The following CPLX1 variants were observed in gnomAD, a reference collection of about 807,000 sequenced individuals.
CPLX1 encodes the protein complexin 1, also known as complexin-1.
In CPLX1, 6 loss-of-function variants were observed where a neutral mutation model predicts 15.6. The ratio of observed to expected loss-of-function variants is 0.39; its 90% CI spans 0.21 to 0.76. CPLX1 has a LOEUF of 0.76. Ranked by LOEUF, CPLX1 falls within the 30% of genes least tolerant of loss-of-function variation. CPLX1 has a pLI of 0.43. For synonymous variants in CPLX1, 91 were observed against 75.2 expected (o/e 1.21, Z -1.08); for missense variants, 242 against 188.6 (o/e 1.28, Z -1.66).
At chr4:823,358 G>A (rs1419266838) in intron 2 of CPLX1, among the ~76,000 whole-genome samples, 1 of 152,168 alleles carries the variant, frequency 6.6e-6, no homozygotes, top group Non-Finnish European at 1.5e-5. Flanking sequence ...CCACCCTCCG[G>A]GAGACAGCCA....
intron 3 of CPLX1, chr4:788,525 A>G: frequency 2.0e-6 from 2 of 985,474 alleles, no homozygotes; most frequent in Non-Finnish European, 2.4e-6. Context: ...AACGAAGAGC[A>G]CAGGGTAGGA....
At chr4:795,309 G>C (rs533781730) in intron 2 of CPLX1, among the ~76,000 whole-genome samples, 90 of 152,366 alleles carry the variant, frequency 5.9e-4, no homozygotes, top group Admixed American at 2.6e-3. Flanking sequence ...GGCGCAGAAC[G>C]GGCGGCCCCG....
At chr4:800,522 A>G (rs1746429593) in intron 2 of CPLX1, among the ~76,000 whole-genome samples, 1 of 142,760 alleles carries the variant, frequency 7.0e-6, no homozygotes, top group South Asian at 2.2e-4. Flanking sequence ...AGACACATAT[A>G]TGTGTATATA....
chr4:789,506 G>A (rs1746103125), intron 3 of CPLX1, among the ~76,000 whole-genome samples: 1 of 152,256 alleles, frequency 6.6e-6, no homozygotes, highest in Admixed American at 6.5e-5. Flanking sequence ...TGTGGGAGCT[G>A]CGGGGGGTAG....
chr4:793,495 C>G (rs1349851485), intron 2 of CPLX1, among the ~76,000 whole-genome samples: 1 of 152,206 alleles, frequency 6.6e-6, no homozygotes, highest in African/African-American at 2.4e-5. Flanking sequence ...TAATTACGGG[C>G]TCTGAATACA....
chr4:788,255 G>T, intron 3 of CPLX1: 1 of 985,244 alleles, frequency 1.0e-6, no homozygotes, highest in African/African-American at 1.7e-5. Context: ...CCAAATGGAG[G>T]GGGGGCTGCC....
chr4:821,669 G>A (rs1051170824), intron 2 of CPLX1, among the ~76,000 whole-genome samples: 1 of 152,158 alleles, frequency 6.6e-6, no homozygotes, highest in African/African-American at 2.4e-5. Flanking sequence ...CCCTGGATCC[G>A]GACCCACGTG....
intron 2 of CPLX1, among the ~76,000 whole-genome samples, chr4:819,290 T>C (rs1350785641): frequency 6.6e-6 from 1 of 152,216 alleles, no homozygotes; most frequent in Non-Finnish European, 1.5e-5. Flanking sequence ...GTATTTATAA[T>C]TGAGTTGCAG....
intron 2 of CPLX1, 146 bp downstream of exon 2, chr4:824,346 C>T: frequency 2.7e-6 from 2 of 744,536 alleles, no homozygotes; most frequent in South Asian, 1.6e-5. Flanking sequence ...GGTCCTTGCT[C>T]CTCTGCCCCA....
chr4:786,656 C>G lies in CPLX1; in HGVS notation c.250G>C (p.Ala84Pro). ...CCCTCGGAGTTGGCCTCCATGGCGG[C>G]CTGGGCCTCGGCCTCGCGCTCCTCC... Reference protein sequence around the residue: ...KKEEREAEAQAAMEANSEGSL... With the variant: ...KKEEREAEAQPAMEANSEGSL... Residue 84 changes from alanine to proline, a missense_variant, in exon 4 of 4, where the codon GCC (alanine) becomes CCC (proline). Ala to Pro is a conservative substitution (Grantham distance 27, BLOSUM62 -1). Coordinates refer to ENST00000304062, the MANE Select transcript of CPLX1 (RefSeq NM_006651.4). The G allele has an allele frequency of 6.2e-7, 1 of 1,611,658 alleles. No individual in the cohort carries two copies. The highest frequency in any genetic ancestry group is 8.5e-7 in the Non-Finnish European group (1 of 1,179,016).
intron 1 of CPLX1, 74 bp from the exon 2 acceptor site, chr4:824,675 C>A (rs1332502232): frequency 2.4e-6 from 2 of 827,758 alleles, no homozygotes; most frequent in Non-Finnish European, 4.1e-6. Flanking sequence ...ACCATCATTC[C>A]TTACCCGCAA....
rs1035834810 is a variant in CPLX1, at chr4:786,470, G to A, written c.*31C>T. The stretch of plus-strand genomic sequence containing the variant: ...GGAGGATCTGTAGGGGGAGGGGCGG[G>A]GGCTCCGCGGGGCCGCTGTCCCGCG... On this transcript the variant is annotated 3_prime_UTR_variant, in exon 4 of 4. Transcript: ENST00000304062. 1.2e-5 allele frequency: 19 copies of A among 1,522,042 alleles called. No homozygotes were observed. The Admixed American group carries it at 2.0e-4, about 16-fold the overall frequency. 94.3% of individuals were successfully genotyped at this position (1,522,042 alleles called of 1,614,324 possible). A position where few individuals can be genotyped will look rare whatever the true frequency, so the allele number is the denominator to read the frequency against.
At chr4:819,230 T>C (rs1267543896) in intron 2 of CPLX1, among the ~76,000 whole-genome samples, 1 of 152,236 alleles carries the variant, frequency 6.6e-6, no homozygotes, top group Non-Finnish European at 1.5e-5. Context: ...ATAAATAACT[T>C]TGTCAGTTGA....
At chr4:808,713 C>T (rs924864865) in intron 2 of CPLX1, among the ~76,000 whole-genome samples, 2 of 152,152 alleles carry the variant, frequency 1.3e-5, no homozygotes, top group African/African-American at 4.8e-5. Context: ...ACTAGCCACA[C>T]CCAGACAGGA....
chr4:820,711 G>T (rs1302508264), intron 2 of CPLX1, among the ~76,000 whole-genome samples: 1 of 151,968 alleles, frequency 6.6e-6, no homozygotes, highest in Non-Finnish European at 1.5e-5. Context: ...CTCACAGAGG[G>T]AGATTCTTTC....
At chr4:795,022 C>T (rs528476505) in intron 2 of CPLX1, among the ~76,000 whole-genome samples, 1 of 152,354 alleles carries the variant, frequency 6.6e-6, no homozygotes, top group South Asian at 2.1e-4. Context: ...TTCTGGAAGG[C>T]CCACCTCTAA....
chr4:800,847 A>T (rs866136794), intron 2 of CPLX1, among the ~76,000 whole-genome samples: 1 of 147,346 alleles, frequency 6.8e-6, no homozygotes, highest in East Asian at 2.0e-4. Context: ...GTGTATATAT[A>T]TGTATATATA....
intron 2 of CPLX1, among the ~76,000 whole-genome samples, chr4:811,159 C>T (rs967337596): frequency 1.3e-5 from 2 of 152,110 alleles, no homozygotes; most frequent in African/African-American, 4.8e-5. Flanking sequence ...ACTGCCATGC[C>T]CAGCTAATTT....
rs984278624 is a variant in CPLX1 at position 820,889 on chromosome 4, A to G, written c.31+3603T>C. On this transcript the variant is annotated intron_variant, in intron 2 of 3. Coordinates refer to ENST00000304062, the MANE Select transcript of CPLX1 (RefSeq NM_006651.4). ...TGGGTTGTTCCTGCCGAGAACTCAC[A>G]GCCCAGCCCCACGGGGGCGCGGAGG... Among the ~76,000 whole-genome samples the G allele has an allele frequency of 3.3e-5, 5 of 152,250 alleles. No individual in the cohort carries two copies. In the South Asian group the frequency reaches 1.0e-3, roughly 32 times the overall value.
Sources: gnomAD v4.1 joint callset for allele counts (sites outside exome capture counted in the v4.1 genomes callset) on GRCh38, gnomAD v4.1.1 for gene constraint, MANE v1.5 for transcripts, NCBI Gene and HGNC (gene_info 2026-07-23, HGNC 2026-07-21) for gene names.